WBP4: variants seen among roughly 807,000 people sequenced by gnomAD.
The protein encoded by WBP4 is WW domain binding protein 4.
WBP4 carries 37 observed loss-of-function variants against 55.4 expected under a neutral mutation model. The observed-to-expected ratio is 0.67, with a 90% confidence interval of 0.51 to 0.88. The LOEUF is 0.88. Ranked by LOEUF, WBP4 falls within the 40% of genes least tolerant of loss-of-function variation. The probability of loss-of-function intolerance (pLI) is 0.00; values close to 1 mark genes in which losing one functional copy is unlikely to be tolerated. For missense variants in WBP4, 398 were observed against 420.8 expected, an observed-to-expected ratio of 0.95 and a Z score of 0.47; for synonymous variants, 142 against 140.2, an observed-to-expected ratio of 1.01 and a Z score of -0.09.
At chr13:41,070,754 A>G (rs1194476030) in intron 5 of WBP4, among the ~76,000 whole-genome samples, 3 of 152,124 alleles carry the variant, frequency 2.0e-5, no homozygotes, top group African/African-American at 7.2e-5. Context: ...TGAGTGTTAC[A>G]TATATTAAAG....
chr13:41,073,273 G>A (rs1878328071), intron 7 of WBP4, among the ~76,000 whole-genome samples: 1 of 152,198 alleles, frequency 6.6e-6, no homozygotes, highest in South Asian at 2.1e-4. Flanking sequence ...CAGCAGTTTG[G>A]GAGGCCAAGA....
chr13:41,073,873 A>C (rs953471462), intron 7 of WBP4, among the ~76,000 whole-genome samples: 7 of 152,346 alleles, frequency 4.6e-5, no homozygotes, highest in African/African-American at 1.7e-4. Context: ...GTGAAAATTT[A>C]ACAATGTTTC....
chr13:41,069,878 CAA>C (rs1178697602), intron 5 of WBP4, among the ~76,000 whole-genome samples: 5 of 75,612 alleles, frequency 6.6e-5, no homozygotes, highest in Non-Finnish European at 8.4e-5. Context: ...AAGTCCATCT[CAA>C]AAAAAAAAAA....
At chr13:41,082,528 A>G (rs940894003) in intron 9 of WBP4, among the ~76,000 whole-genome samples, 176 bp from the exon 10 acceptor site, 1 of 152,192 alleles carries the variant, frequency 6.6e-6, no homozygotes, top group African/African-American at 2.4e-5. Flanking sequence ...GCATTTATCC[A>G]CCTGAATAAG....
chr13:41,074,085 C>G (rs936557806), intron 7 of WBP4, among the ~76,000 whole-genome samples: 2 of 151,924 alleles, frequency 1.3e-5, no homozygotes, highest in Non-Finnish European at 2.9e-5. Flanking sequence ...GCACCAGCCA[C>G]TTCGCCAGGC....
Position 41,062,131 on chromosome 13 carries a change from C to T in WBP4, c.2+456C>T, listed in dbSNP as rs1263178340. On this transcript the variant is annotated intron_variant, in intron 1 of 9. Coordinates refer to ENST00000379487, the MANE Select transcript of WBP4 (RefSeq NM_007187.5). Reference sequence around the variant, plus strand: ...TTTTTTTTTTTTTTTTTTTGTCGGCCGTCTACGAAGTCCCATGGCTTTTCC... The same window carrying T: ...TTTTTTTTTTTTTTTTTTTGTCGGCTGTCTACGAAGTCCCATGGCTTTTCC... 1.6e-5 allele frequency: 10 copies of T among 636,126 alleles called. No individual in the cohort carries two copies. The South Asian group carries it at 3.7e-4, about 23-fold the overall frequency. The allele number at this position is 636,126 out of a possible 1,614,324, so 39.4% of individuals were successfully genotyped here. A position where few individuals can be genotyped will look rare whatever the true frequency, so the allele number is the denominator to read the frequency against.
At chr13:41,061,876 G>C (rs1212092223) in intron 1 of WBP4, among the ~76,000 whole-genome samples, 3 of 152,132 alleles carry the variant, frequency 2.0e-5, no homozygotes, top group Non-Finnish European at 2.9e-5. Flanking sequence ...AACGCCCTGG[G>C]GTATGGGGCA....
intron 5 of WBP4, among the ~76,000 whole-genome samples, chr13:41,070,471 T>C (rs922248137): frequency 3.3e-5 from 5 of 151,854 alleles, no homozygotes; most frequent in African/African-American, 4.8e-5. Context: ...GGAAGGTAGA[T>C]TGGAGCCATC....
intron 8 of WBP4, among the ~76,000 whole-genome samples, chr13:41,079,819 G>A (rs181966555): frequency 7.8e-4 from 119 of 152,180 alleles, no homozygotes; most frequent in African/African-American, 2.2e-3. Flanking sequence ...CTAAGTGTCC[G>A]TCAACGGAGG....
intron 5 of WBP4, among the ~76,000 whole-genome samples, chr13:41,069,942 C>T (rs1355890544): frequency 3.3e-5 from 5 of 150,904 alleles, no homozygotes; most frequent in Non-Finnish European, 7.4e-5. Flanking sequence ...TCAAAAACAT[C>T]TTTTTTTGTT....
At position 41,083,123 on chromosome 13, in the gene WBP4, G is replaced by C; in HGVS notation, c.*209G>C. 1 of 498,384 alleles carries C rather than the reference G, an allele frequency of 2.0e-6. No homozygotes were observed. The highest frequency in any genetic ancestry group is 2.7e-5 in the South Asian group (1 of 37,546). 30.9% of individuals were successfully genotyped at this position (498,384 alleles called of 1,614,324 possible). On this transcript the variant is annotated 3_prime_UTR_variant, in exon 10 of 10. Coordinates refer to ENST00000379487, the MANE Select transcript of WBP4 (RefSeq NM_007187.5). ...CTACCACATTGCATTGTAATACAGTGTATTATGTTCAGTGTCTAAAAACTG... is the reference window on the plus strand; with the variant it reads ...CTACCACATTGCATTGTAATACAGTCTATTATGTTCAGTGTCTAAAAACTG...
rs1877631093 is a variant in WBP4 at position 41,061,515 on chromosome 13, G to A, written c.-159G>A. ...TTGGATCGTCTGGGCACCCGTAGTT[G>A]GGAACAGCGGAACGCTGGTCCCGGG... On this transcript the variant is annotated 5_prime_UTR_variant, in exon 1 of 10. Coordinates refer to ENST00000379487, the MANE Select transcript of WBP4 (RefSeq NM_007187.5). 2 of 1,152,924 alleles carry A rather than the reference G, an allele frequency of 1.7e-6. No individual in the cohort carries two copies. Among genetic ancestry groups the A allele is most frequent in the South Asian group, 2.7e-5 (2 of 73,924 alleles). 71.4% of individuals were successfully genotyped at this position (1,152,924 alleles called of 1,614,324 possible). A position where few individuals can be genotyped will look rare whatever the true frequency, so the allele number is the denominator to read the frequency against.
chr13:41,064,513 A>G (rs1259963390), intron 2 of WBP4, among the ~76,000 whole-genome samples: 4 of 152,182 alleles, frequency 2.6e-5, no homozygotes, highest in Non-Finnish European at 4.4e-5. Context: ...CACATTGTAT[A>G]AAAGTGTTTG....
Position 41,082,727 on chromosome 13 carries a change from C to A in WBP4, c.944C>A (p.Pro315Gln). The A allele has an allele frequency of 6.2e-7, 1 of 1,613,970 alleles. No homozygotes were observed. The highest frequency in any genetic ancestry group is 8.5e-7 in the Non-Finnish European group (1 of 1,179,988). The change falls in exon 10 of 10, where the codon CCA becomes CAA. Residue 315 changes from proline to glutamine, a missense_variant. Coordinates refer to ENST00000379487, the MANE Select transcript of WBP4 (RefSeq NM_007187.5). ...ESHEEVDLELPSTENEYVSTS... is the reference protein window; with the variant it reads ...ESHEEVDLELQSTENEYVSTS... Reference sequence around the variant, plus strand: ...AGTGAGGAGGTAGATTTGGAACTTCCAAGCACTGAAAATGAGTATGTATCA... The same window carrying A: ...AGTGAGGAGGTAGATTTGGAACTTCAAAGCACTGAAAATGAGTATGTATCA...
chr13:41,069,901 A>G (rs1239671771), intron 5 of WBP4, among the ~76,000 whole-genome samples: 2 of 151,840 alleles, frequency 1.3e-5, no homozygotes, highest in Non-Finnish European at 2.9e-5. Flanking sequence ...AAGAAAAAAA[A>G]AATACACAGT....
chr13:41,069,878 CAAAAA>C (rs1178697602), intron 5 of WBP4, among the ~76,000 whole-genome samples: 2 of 75,606 alleles, frequency 2.6e-5, no homozygotes, highest in African/African-American at 4.7e-5. Flanking sequence ...AAGTCCATCT[CAAAAA>C]AAAAAAAAAG....
intron 5 of WBP4, among the ~76,000 whole-genome samples, chr13:41,069,565 G>T (rs948835113): frequency 5.9e-5 from 9 of 152,262 alleles, no homozygotes; most frequent in African/African-American, 2.2e-4. Context: ...GGGAGGCTGA[G>T]GCAGGAGAAT....
rs117405964 is a variant in WBP4 at position 41,072,636 on chromosome 13, G to T, written c.487-146G>T. 3.9e-3 allele frequency: 2,563 copies of T among 650,742 alleles called. 65 individuals are homozygous for T. The highest frequency in any genetic ancestry group is 0.035 in the East Asian group (1,209 of 34,272). The allele number at this position is 650,742 out of a possible 1,614,324, so 40.3% of individuals were successfully genotyped here. A position where few individuals can be genotyped will look rare whatever the true frequency, so the allele number is the denominator to read the frequency against. Reference sequence around the variant, plus strand: ...CCATCTCCAACTTGGAGGATTACAAGTCTACATGAGATTTGGGTGGGGATG... The same window carrying T: ...CCATCTCCAACTTGGAGGATTACAATTCTACATGAGATTTGGGTGGGGATG... On this transcript the variant is annotated intron_variant, in intron 6 of 9. Transcript: ENST00000379487.
At position 41,063,233 on chromosome 13, in the gene WBP4, TC is replaced by T. The variant is rs563402412; in HGVS notation, c.75+519del. Among the ~76,000 whole-genome samples, 4 of 152,312 alleles carry T rather than the reference TC, an allele frequency of 2.6e-5. No homozygotes were observed. In the East Asian group the frequency reaches 7.7e-4, roughly 29 times the overall value. ...TTGTTAGTCTGTCTCATAGTTGAGA[TC>T]CAGTTTTGAAGATGTAAAGCAAAAA... is the stretch of plus-strand genomic sequence containing the variant. On this transcript the variant is annotated intron_variant, in intron 2 of 9. Transcript: ENST00000379487.
Sources: allele counts gnomAD v4.1 joint callset (sites outside exome capture counted in the v4.1 genomes callset), GRCh38; gene constraint gnomAD v4.1.1; transcripts MANE v1.5; gene names NCBI Gene and HGNC (gene_info 2026-07-23, HGNC 2026-07-21).